Variants in KPNA5 observed in about 807,000 individuals in gnomAD.
The protein encoded by KPNA5 is importin subunit alpha-6.
A neutral mutation model predicts 71.3 loss-of-function variants in KPNA5; 46 were observed. That is an observed-to-expected ratio of 0.65 (90% CI 0.51 to 0.83). KPNA5 has a LOEUF of 0.83. Among genes scored for constraint, KPNA5 ranks in the 40% least tolerant of loss-of-function variants. The probability of loss-of-function intolerance (pLI) is 0.00; values close to 1 mark genes in which losing one functional copy is unlikely to be tolerated. For missense variants in KPNA5, 547 were observed against 628.3 expected (o/e 0.87, Z 1.38); for synonymous variants, 207 against 201.4 (o/e 1.03, Z -0.24).
At position 116,689,469 on chromosome 6, in the gene KPNA5, T is replaced by G; in HGVS notation, c.138+16T>G. The G allele has an allele frequency of 2.0e-6, 3 of 1,533,422 alleles. No individual in the cohort carries two copies. The highest frequency in any genetic ancestry group is 2.6e-6 in the Non-Finnish European group (3 of 1,146,254). The allele number at this position is 1,533,422 out of a possible 1,614,324, so 95.0% of individuals were successfully genotyped here. A position where few individuals can be genotyped will look rare whatever the true frequency, so the allele number is the denominator to read the frequency against. ...AGAAGAACAGGTAGGTGTTTTTAGC[T>G]ATTTAATTTTGTTTTTTAAAATTTT... On this transcript the variant is annotated intron_variant, in intron 2 of 13. Coordinates refer to ENST00000368564, the MANE Select transcript of KPNA5 (RefSeq NM_001366306.2).
At chr6:116,692,782 C>T (rs560897348) in intron 4 of KPNA5, among the ~76,000 whole-genome samples, 165 of 152,026 alleles carry the variant, frequency 1.1e-3, no homozygotes, top group African/African-American at 3.6e-3. Context: ...ATGTGCACAA[C>T]GTGCAGGTTT....
chr6:116,693,616 T>A (rs972258236), intron 4 of KPNA5, among the ~76,000 whole-genome samples: 1 of 152,126 alleles, frequency 6.6e-6, no homozygotes, highest in African/African-American at 2.4e-5. Context: ...GTTTGAGTTC[T>A]TTGTAGATTC....
intron 1 of KPNA5, among the ~76,000 whole-genome samples, chr6:116,682,217 G>A (rs1037924472): frequency 6.6e-6 from 1 of 151,968 alleles, no homozygotes; most frequent in Non-Finnish European, 1.5e-5. Context: ...TAGTCCCAGC[G>A]ACTCGGGAGG....
At chr6:116,718,422 C>T (rs1778980915) in intron 8 of KPNA5, among the ~76,000 whole-genome samples, 2 of 151,806 alleles carry the variant, frequency 1.3e-5, no homozygotes, top group Admixed American at 6.6e-5. Flanking sequence ...GCTACCTCGC[C>T]CAGCTAATTT....
intron 1 of KPNA5, among the ~76,000 whole-genome samples, chr6:116,683,153 T>G (rs979877994): frequency 6.6e-6 from 1 of 152,236 alleles, no homozygotes; most frequent in Non-Finnish European, 1.5e-5. Context: ...TATTAGAACT[T>G]CTATTTGTTT....
intron 7 of KPNA5, among the ~76,000 whole-genome samples, chr6:116,709,029 ATCCCCCCTTG>A (rs1778551994): frequency 6.6e-6 from 1 of 151,730 alleles, no homozygotes; most frequent in Non-Finnish European, 1.5e-5. Flanking sequence ...CAAGTGATAC[ATCCCCCCTTG>A]ACCTCCCAAA....
chr6:116,722,249 A>G lies in KPNA5; in HGVS notation c.880A>G (p.Ile294Val). Residue 294 changes from isoleucine (I) to valine (V), a missense_variant, in exon 9 of 14, where the codon ATT becomes GTT. Transcript: ENST00000368564. The stretch of plus-strand genomic sequence containing the variant: ...ACCCAATGATAAAATTCAAGCAGTC[A>G]TTGATTCTGGAGTCTGTCGAAGATT... Reference protein sequence around the residue: ...DGPNDKIQAVIDSGVCRRLVE... With the variant: ...DGPNDKIQAVVDSGVCRRLVE... 1 of 1,612,934 alleles carries G rather than the reference A, an allele frequency of 6.2e-7. No homozygotes were observed. The highest frequency in any genetic ancestry group is 2.2e-5 in the East Asian group (1 of 44,820).
chr6:116,724,385 A>G lies in KPNA5; in HGVS notation c.999+10A>G, dbSNP rs755854178. 5 of 1,585,238 alleles carry G rather than the reference A, an allele frequency of 3.2e-6. No homozygotes were observed. Among genetic ancestry groups the G allele is most frequent in the South Asian group, 2.2e-5 (2 of 90,216 alleles). On this transcript the variant is annotated intron_variant, in intron 10 of 13. Coordinates refer to ENST00000368564, the MANE Select transcript of KPNA5 (RefSeq NM_001366306.2). ...TGATATTCAAACACAGGTGAGTTCA[A>G]ACTTGAGTATCATAAATTGTTAACA...
At chr6:116,683,316 G>A (rs1476803601) in intron 1 of KPNA5, among the ~76,000 whole-genome samples, 1 of 152,162 alleles carries the variant, frequency 6.6e-6, no homozygotes, top group South Asian at 2.1e-4. Context: ...GATTGAAAAC[G>A]TTTAGAGCCA....
intron 1 of KPNA5, 79 bp downstream of exon 1, chr6:116,681,417 CG>C: frequency 1.4e-6 from 2 of 1,475,340 alleles, no homozygotes; most frequent in South Asian, 2.8e-5. Context: ...CCTGGGGCCA[CG>C]GTTTTTATTT....
intron 7 of KPNA5, among the ~76,000 whole-genome samples, chr6:116,709,536 A>T (rs1489137482): frequency 4.6e-5 from 7 of 152,048 alleles, no homozygotes; most frequent in African/African-American, 1.7e-4. Flanking sequence ...AATTTTTTTT[A>T]AAAAAAGATA....
At chr6:116,719,537 G>A (rs1432856930) in intron 8 of KPNA5, among the ~76,000 whole-genome samples, 1 of 152,052 alleles carries the variant, frequency 6.6e-6, no homozygotes, top group East Asian at 1.9e-4. Flanking sequence ...TATAGAGTAG[G>A]TAACATACCT....
rs1447811320 is a variant in KPNA5 at position 116,735,031 on chromosome 6, A to G, written c.*2708A>G. On this transcript the variant is annotated 3_prime_UTR_variant, in exon 14 of 14. Coordinates refer to ENST00000368564, the MANE Select transcript of KPNA5 (RefSeq NM_001366306.2). ...ATCTATGCAATTATGCTTGTTTTAT[A>G]TTTATAAGCACTTGACTCACTGGGT... 1.3e-5 allele frequency: 2 copies of G among 151,670 alleles called. No individual in the cohort carries two copies. Among genetic ancestry groups the G allele is most frequent in the African/African-American group, 2.4e-5 (1 of 41,378 alleles). The allele number at this position is 151,670 out of a possible 1,614,324, so 9.4% of individuals were successfully genotyped here. A position where few individuals can be genotyped will look rare whatever the true frequency, so the allele number is the denominator to read the frequency against.
At chr6:116,718,503 G>A (rs187717827) in intron 8 of KPNA5, among the ~76,000 whole-genome samples, 63 of 151,974 alleles carry the variant, frequency 4.1e-4, no homozygotes, top group African/African-American at 1.3e-3. Context: ...CCTCAGGCAA[G>A]CTACCTGCCT....
At chr6:116,714,156 T>C (rs1778804331) in intron 7 of KPNA5, among the ~76,000 whole-genome samples, 1 of 152,228 alleles carries the variant, frequency 6.6e-6, no homozygotes. Flanking sequence ...ATTGTAACTA[T>C]GGTTAACTAT....
chr6:116,719,039 C>T (rs1215506377), intron 8 of KPNA5, among the ~76,000 whole-genome samples: 3 of 152,206 alleles, frequency 2.0e-5, no homozygotes, highest in Non-Finnish European at 4.4e-5. Flanking sequence ...CCATCTCAGC[C>T]TCCCAAAGTG....
intron 1 of KPNA5, among the ~76,000 whole-genome samples, chr6:116,686,344 A>G (rs956096003): frequency 2.0e-5 from 3 of 152,076 alleles, no homozygotes; most frequent in Non-Finnish European, 4.4e-5. Context: ...GGCTGCATGT[A>G]TGTCCTTTGA....
intron 7 of KPNA5, among the ~76,000 whole-genome samples, chr6:116,712,354 C>T (rs777032810): frequency 1.1e-4 from 17 of 152,262 alleles, no homozygotes; most frequent in South Asian, 6.2e-4. Flanking sequence ...TGTAACTATT[C>T]GGATCTCTGT....
At chr6:116,718,367 A>G (rs966189259) in intron 8 of KPNA5, among the ~76,000 whole-genome samples, 34 of 149,226 alleles carry the variant, frequency 2.3e-4, no homozygotes, top group Non-Finnish European at 1.5e-5. Context: ...GGTTCAAGCT[A>G]TTCTCCTGCC....
Sources: allele counts gnomAD v4.1 joint callset (sites outside exome capture counted in the v4.1 genomes callset), GRCh38; gene constraint gnomAD v4.1.1; transcripts MANE v1.5; gene names NCBI Gene and HGNC (gene_info 2026-07-23, HGNC 2026-07-21).